RAD51B: variants seen among roughly 807,000 people sequenced by gnomAD.
RAD51B encodes RAD51 paralog B, also known as DNA repair protein RAD51 homolog 2.
In RAD51B, 38 loss-of-function variants were observed where a neutral mutation model predicts 42.2. The observed-to-expected ratio is 0.90, with a 90% CI of 0.70 to 1.18. The LOEUF is 1.18. Among genes scored for constraint, RAD51B ranks in the 50% most tolerant of loss-of-function variants. RAD51B has a pLI of 0.00. For synonymous variants in RAD51B, 154 were observed against 145.2 expected (o/e 1.06, Z -0.43); for missense variants, 373 against 400.7 (o/e 0.93, Z 0.59).
chr14:67,926,952 G>A (rs921406541), intron 7 of RAD51B, among the ~76,000 whole-genome samples: 1 of 152,166 alleles, frequency 6.6e-6, no homozygotes, highest in Non-Finnish European at 1.5e-5. Context: ...ATAATAGTAA[G>A]TATGGATTGT....
intron 7 of RAD51B, among the ~76,000 whole-genome samples, chr14:67,960,151 C>A (rs1196865081): frequency 6.6e-6 from 1 of 151,000 alleles, no homozygotes; most frequent in African/African-American, 2.4e-5. Flanking sequence ...GCAAACATAA[C>A]GTTCTATGTT....
chr14:68,082,259 C>T (rs1198901440), intron 7 of RAD51B, among the ~76,000 whole-genome samples: 4 of 152,034 alleles, frequency 2.6e-5, no homozygotes, highest in Admixed American at 1.3e-4. Flanking sequence ...TGCGCCCGGC[C>T]GCAAATAATA....
At chr14:68,049,213 G>T (rs538937011) in intron 7 of RAD51B, among the ~76,000 whole-genome samples, 3 of 152,016 alleles carry the variant, frequency 2.0e-5, no homozygotes, top group Non-Finnish European at 4.4e-5. Context: ...GTTGTGGGGT[G>T]GGGGGAGCGG....
Position 68,594,380 on chromosome 14 carries a change from T to G in RAD51B, c.1037-105T>G, listed in dbSNP as rs1046341992. 13 of 1,108,240 alleles carry G rather than the reference T, an allele frequency of 1.2e-5. No homozygotes were observed. In the African/African-American group the frequency reaches 2.1e-4, roughly 18 times the overall value. The allele number at this position is 1,108,240 out of a possible 1,614,324, so 68.7% of individuals were successfully genotyped here. Reference sequence around the variant, plus strand: ...CATTCCTATGCCATACCCCTTGAACTCTCCATCAGGTCTTCCTCAACCATC... The same window carrying G: ...CATTCCTATGCCATACCCCTTGAACGCTCCATCAGGTCTTCCTCAACCATC... On this transcript the variant is annotated intron_variant, in intron 10 of 10. Transcript: ENST00000487270.
At chr14:68,338,301 C>T (rs1046715183) in intron 8 of RAD51B, among the ~76,000 whole-genome samples, 2 of 152,124 alleles carry the variant, frequency 1.3e-5, no homozygotes, top group Non-Finnish European at 2.9e-5. Context: ...GTCTGCCTGG[C>T]TCCCTTCAGG....
chr14:68,669,720 T>C (rs1893113708), intron 11 of RAD51B, among the ~76,000 whole-genome samples: 1 of 152,026 alleles, frequency 6.6e-6, no homozygotes, highest in Non-Finnish European at 1.5e-5. Flanking sequence ...CTGGGATTTG[T>C]AACCAAGTGG....
chr14:68,432,706 A>G (rs570462325), intron 9 of RAD51B, among the ~76,000 whole-genome samples: 9 of 152,166 alleles, frequency 5.9e-5, no homozygotes, highest in African/African-American at 1.9e-4. Flanking sequence ...TCTTTATCCA[A>G]CTTGCCAGTC....
intron 9 of RAD51B, among the ~76,000 whole-genome samples, chr14:68,411,786 C>A (rs1414761798): frequency 6.6e-6 from 1 of 152,142 alleles, no homozygotes; most frequent in East Asian, 1.9e-4. Flanking sequence ...TGACCAAGGA[C>A]CACACCTCTA....
intron 4 of RAD51B, among the ~76,000 whole-genome samples, chr14:67,848,580 A>G (rs2041701506): frequency 1.3e-5 from 2 of 152,246 alleles, no homozygotes; most frequent in Admixed American, 1.3e-4. Flanking sequence ...AGAACACTTA[A>G]CATTGAAGTT....
At chr14:68,363,356 C>T (rs1472525749) in intron 8 of RAD51B, among the ~76,000 whole-genome samples, 4 of 152,146 alleles carry the variant, frequency 2.6e-5, no homozygotes, top group Non-Finnish European at 4.4e-5. Context: ...GTGATGCATA[C>T]CCATTTCCAT....
chr14:68,035,262 T>G (rs2076103593), intron 7 of RAD51B, among the ~76,000 whole-genome samples: 1 of 152,226 alleles, frequency 6.6e-6, no homozygotes, highest in South Asian at 2.1e-4. Context: ...GGATGTTCGT[T>G]TTACAGTGTT....
chr14:68,503,748 T>C (rs972960167), intron 10 of RAD51B, among the ~76,000 whole-genome samples: 3 of 152,196 alleles, frequency 2.0e-5, no homozygotes, highest in Non-Finnish European at 4.4e-5. Context: ...TAAATTGAAC[T>C]GAACTCAGCA....
chr14:67,826,929 C>T (rs946353387), intron 3 of RAD51B, among the ~76,000 whole-genome samples: 1 of 152,080 alleles, frequency 6.6e-6, no homozygotes, highest in South Asian at 2.1e-4. Flanking sequence ...GTGATCCTCC[C>T]GCCTCGGCCT....
chr14:68,098,024 C>T lies in RAD51B; in HGVS notation c.757-193860C>T, dbSNP rs190430352. ...GGAGAACTCTACTCACTTTGCCTGT[C>T]GGATTCAGATGTCTTTCCTACTTGT... is the stretch of plus-strand genomic sequence containing the variant. On this transcript the variant is annotated intron_variant, in intron 7 of 10. Transcript: ENST00000471583. Among the ~76,000 whole-genome samples, 4 of 152,306 alleles carry T rather than the reference C, an allele frequency of 2.6e-5. No homozygotes were observed. In the East Asian group the frequency reaches 5.8e-4, roughly 22 times the overall value.
At chr14:68,507,137 AT>A (rs1450553874) in intron 10 of RAD51B, among the ~76,000 whole-genome samples, 1 of 152,098 alleles carries the variant, frequency 6.6e-6, no homozygotes, top group African/African-American at 2.4e-5. Flanking sequence ...CATGAAATCA[AT>A]TTTCAATATT....
chr14:68,230,921 A>G (rs2080136473), intron 7 of RAD51B, among the ~76,000 whole-genome samples: 1 of 152,212 alleles, frequency 6.6e-6, no homozygotes, highest in Non-Finnish European at 1.5e-5. Flanking sequence ...TGGAAGGTCA[A>G]CATTAGGGCC....
At chr14:68,561,956 C>T in intron 10 of RAD51B, 7 of 985,414 alleles carry the variant, frequency 7.1e-6, no homozygotes, top group Non-Finnish European at 8.4e-6. Context: ...CAGCATGGTC[C>T]TTGTGGCAGC....
chr14:68,573,631 G>T (rs910942644), intron 10 of RAD51B, among the ~76,000 whole-genome samples: 3 of 152,340 alleles, frequency 2.0e-5, no homozygotes, highest in Admixed American at 6.5e-5. Context: ...GGGGAATAAA[G>T]CTTCAGGAGG....
At chr14:68,148,104 C>T (rs568810260) in intron 7 of RAD51B, among the ~76,000 whole-genome samples, 1 of 152,222 alleles carries the variant, frequency 6.6e-6, no homozygotes, top group African/African-American at 2.4e-5. Flanking sequence ...TTTGGTCTTG[C>T]TTTTTTACTC....
Sources: allele counts gnomAD v4.1 joint callset (sites outside exome capture counted in the v4.1 genomes callset), GRCh38; gene constraint gnomAD v4.1.1; transcripts MANE v1.5; gene names NCBI Gene and HGNC (gene_info 2026-07-23, HGNC 2026-07-21).